Variants in PLCB4 observed in about 807,000 individuals in gnomAD.
The protein encoded by PLCB4 is phospholipase C beta 4, also known as 1-phosphatidylinositol 4,5-bisphosphate phosphodiesterase beta-4.
A neutral mutation model predicts 178.8 loss-of-function variants in PLCB4; 77 were observed. The ratio of observed to expected loss-of-function variants is 0.43; its 90% CI spans 0.36 to 0.52. The LOEUF (loss-of-function observed/expected upper bound fraction) is 0.52. PLCB4 is among the 20% of genes least tolerant of loss of function. PLCB4 has a pLI of 0.00. For synonymous variants in PLCB4, 496 were observed against 490.8 expected (o/e 1.01, Z -0.14); for missense variants, 1,024 against 1,453.4 (o/e 0.70, Z 4.80).
At chr20:9,077,612 T>G (rs1227427654) in intron 1 of PLCB4, among the ~76,000 whole-genome samples, 1 of 152,234 alleles carries the variant, frequency 6.6e-6, no homozygotes, top group Non-Finnish European at 1.5e-5. Flanking sequence ...AAAAACTCTT[T>G]TAAGAAAGAC....
chr20:9,437,020 C>T lies in PLCB4; in HGVS notation c.2632C>T (p.Pro878Ser). ...GIETSDIADV[P>S]SDTSKNDKKG... ...GTTCCAGAGTGACATAGCCGACGTG[C>T]CCAGTGACACTTCCAAAAATGACAA... The change falls in exon 30 of 40, where the codon CCC (proline) becomes TCC (serine). Residue 878 changes from proline (P) to serine (S), a missense_variant. Around this residue, in one of 7 missense-constraint regions of PLCB4, gnomAD observed 227 missense variants for 374.3 expected, o/e 0.61. Transcript: ENST00000378473. The T allele has an allele frequency of 6.2e-7, 1 of 1,613,918 alleles. No individual in the cohort carries two copies. Among genetic ancestry groups the T allele is most frequent in the Non-Finnish European group, 8.5e-7 (1 of 1,179,918 alleles).
intron 2 of PLCB4, among the ~76,000 whole-genome samples, chr20:9,183,407 G>C (rs188095127): frequency 0.01 from 1,583 of 152,268 alleles, 17 homozygotes; most frequent in Non-Finnish European, 0.014. Context: ...AAACCAGGTA[G>C]AGCGGGAGGC....
intron 30 of PLCB4, among the ~76,000 whole-genome samples, chr20:9,437,924 C>G (rs1452487577): frequency 6.6e-6 from 1 of 152,108 alleles, no homozygotes; most frequent in East Asian, 1.9e-4. Flanking sequence ...GAGACCACAC[C>G]TCATCATCAG....
intron 7 of PLCB4, among the ~76,000 whole-genome samples, chr20:9,350,154 T>A (rs536814277): frequency 3.7e-4 from 55 of 150,330 alleles, no homozygotes; most frequent in Non-Finnish European, 1.6e-4. Flanking sequence ...AAAAATAAAT[T>A]TAAAAAAAAA....
At chr20:9,437,177 TATCTTCTGCACCCACCTTAATTACAC>T in intron 30 of PLCB4, 25 bp downstream of exon 30, 2 of 1,605,118 alleles carry the variant, frequency 1.2e-6, no homozygotes, top group Non-Finnish European at 1.7e-6. Flanking sequence ...TTGGGTTCCT[TATCTTCTGCACCCACCTTAATTACAC>T]AGTGTACAAT....
chr20:9,359,055 A>G (rs1325771891), intron 7 of PLCB4, among the ~76,000 whole-genome samples: 1 of 152,208 alleles, frequency 6.6e-6, no homozygotes, highest in East Asian at 1.9e-4. Flanking sequence ...GTTTTCATAA[A>G]CTGGGGGAAA....
intron 3 of PLCB4, among the ~76,000 whole-genome samples, chr20:9,236,550 G>A (rs981129199): frequency 4.6e-5 from 7 of 152,228 alleles, no homozygotes; most frequent in East Asian, 1.9e-4. Context: ...CTAATCTTTC[G>A]TGTGTGTGTC....
At position 9,421,471 on chromosome 20, in the gene PLCB4, T is replaced by A. The variant is rs2040627562; in HGVS notation, c.2319+10T>A. On this transcript the variant is annotated intron_variant, in intron 27 of 39. Coordinates refer to ENST00000378473, the MANE Select transcript of PLCB4 (RefSeq NM_001377142.1). ...ATTTGTATTTCGGAAGGTAGGACAT[T>A]TTCAGCACGTCAAACTTACTCTAAT... 6.2e-7 allele frequency: 1 copy of A among 1,608,868 alleles called. No homozygotes were observed. The highest frequency in any genetic ancestry group is 2.2e-5 in the East Asian group (1 of 44,806).
At chr20:9,203,056 A>AAAAAAAAAAAATATATATATAT (rs769628056) in intron 2 of PLCB4, among the ~76,000 whole-genome samples, 2 of 126,162 alleles carry the variant, frequency 1.6e-5, no homozygotes, top group African/African-American at 6.6e-5. Context: ...AAAAAAAAAA[A>AAAAAAAAAAAATATATATATAT]ATATATATAT....
intron 4 of PLCB4, among the ~76,000 whole-genome samples, chr20:9,318,895 A>G (rs961734999): frequency 6.6e-6 from 1 of 152,198 alleles, no homozygotes; most frequent in Non-Finnish European, 1.5e-5. Context: ...AACCTGCAGT[A>G]TAAAGAGAAA....
intron 2 of PLCB4, among the ~76,000 whole-genome samples, chr20:9,132,125 GTAGT>G (rs1280939058): frequency 6.6e-6 from 1 of 152,144 alleles, no homozygotes; most frequent in Non-Finnish European, 1.5e-5. Context: ...AAGTTTTACA[GTAGT>G]TAGTTACAAA....
chr20:9,243,671 G>GT (rs1033671420), intron 3 of PLCB4, among the ~76,000 whole-genome samples: 2 of 152,158 alleles, frequency 1.3e-5, no homozygotes, highest in African/African-American at 4.8e-5. Flanking sequence ...TGGAAGTTTG[G>GT]TTTTTTAAAA....
intron 12 of PLCB4, among the ~76,000 whole-genome samples, chr20:9,379,010 T>A (rs2036917307): frequency 6.6e-6 from 1 of 152,192 alleles, no homozygotes; most frequent in Admixed American, 6.5e-5. Flanking sequence ...GGTAAAGAGT[T>A]GTCACCAAGG....
At chr20:9,388,160 C>A (rs1019232502) in intron 15 of PLCB4, among the ~76,000 whole-genome samples, 57 of 152,276 alleles carry the variant, frequency 3.7e-4, no homozygotes, top group African/African-American at 1.3e-3. Flanking sequence ...ATGGCTTGAA[C>A]CCGAGAGGTG....
chr20:9,390,216 A>G (rs1314208249), intron 16 of PLCB4, among the ~76,000 whole-genome samples: 1 of 152,192 alleles, frequency 6.6e-6, no homozygotes, highest in Non-Finnish European at 1.5e-5. Flanking sequence ...TTCCAAATAA[A>G]AGTTCAGAGA....
intron 3 of PLCB4, among the ~76,000 whole-genome samples, chr20:9,271,593 CTGCTTGTCCAG>C (rs2094403026): frequency 1.3e-5 from 2 of 152,102 alleles, no homozygotes; most frequent in Non-Finnish European, 2.9e-5. Flanking sequence ...AAGATGACAA[CTGCTTGTCCAG>C]ATTACTTATC....
chr20:9,418,561 A>C (rs1427960788), intron 25 of PLCB4, among the ~76,000 whole-genome samples: 1 of 152,118 alleles, frequency 6.6e-6, no homozygotes, highest in Admixed American at 6.5e-5. Context: ...TGTCTTGATT[A>C]AATCTTGTAG....
intron 19 of PLCB4, among the ~76,000 whole-genome samples, chr20:9,400,980 A>G (rs2038980252): frequency 6.6e-6 from 1 of 152,150 alleles, no homozygotes; most frequent in South Asian, 2.1e-4. Context: ...GAGTAGCACA[A>G]TCCTTCTGAG....
At chr20:9,117,357 T>C (rs1280295134) in intron 2 of PLCB4, among the ~76,000 whole-genome samples, 2 of 152,218 alleles carry the variant, frequency 1.3e-5, no homozygotes, top group East Asian at 1.9e-4. Flanking sequence ...CCAAATTGCT[T>C]TGTAGAAAGC....
Sources: allele counts gnomAD v4.1 joint callset (sites outside exome capture counted in the v4.1 genomes callset), GRCh38; gene constraint gnomAD v4.1.1; regional missense constraint gnomAD v4.1.1; transcripts MANE v1.5; gene names NCBI Gene and HGNC (gene_info 2026-07-23, HGNC 2026-07-21).